Variants in DEPDC5 observed in about 807,000 individuals in gnomAD.
DEPDC5 encodes DEP domain containing 5, GATOR1 subcomplex subunit, also known as GATOR1 complex protein DEPDC5.
DEPDC5 carries 73 observed loss-of-function variants against 217.3 expected under a neutral mutation model. The ratio of observed to expected loss-of-function variants is 0.34; its 90% CI spans 0.28 to 0.41. The LOEUF is 0.41. Ranked by LOEUF, DEPDC5 falls within the 10% of genes least tolerant of loss-of-function variation. DEPDC5 has a pLI of 1.00. For missense variants in DEPDC5, 1,675 were observed against 2,070.1 expected (o/e 0.81, Z 3.70); for synonymous variants, 733 against 756.7 (o/e 0.97, Z 0.51).
intron 27 of DEPDC5, among the ~76,000 whole-genome samples, chr22:31,841,302 G>C (rs1346919718): frequency 6.6e-6 from 1 of 152,224 alleles, no homozygotes; most frequent in Non-Finnish European, 1.5e-5. Flanking sequence ...AGCCTCTGCT[G>C]TCCTCCTCTC....
Position 31,778,109 on chromosome 22 carries a change from G to A in DEPDC5, c.424G>A (p.Gly142Ser), listed in dbSNP as rs1279099190. 2.5e-6 allele frequency: 4 copies of A among 1,614,144 alleles called. No individual in the cohort carries two copies. Among genetic ancestry groups the A allele is most frequent in the Non-Finnish European group, 3.4e-6 (4 of 1,179,994 alleles). ...VEFAGIRAQAGELWVKNEKVM... is the reference protein window; with the variant it reads ...VEFAGIRAQASELWVKNEKVM... Reference sequence around the variant, plus strand: ...TGTGTATTCTTTCAGAGCACAGGCTGGTGAACTGTGGGTTAAGAATGAGAA... The same window carrying A: ...TGTGTATTCTTTCAGAGCACAGGCTAGTGAACTGTGGGTTAAGAATGAGAA... The change falls in exon 8 of 43, where the codon GGT (glycine) becomes AGT (serine). Residue 142 changes from glycine (G) to serine (S), a missense_variant. Gly to Ser is a moderately conservative substitution (Grantham distance 56). This residue lies in a region of DEPDC5 where 628 missense variants were observed against 762.1 expected (regional missense o/e 0.82). Transcript: ENST00000651528.
intron 34 of DEPDC5, among the ~76,000 whole-genome samples, chr22:31,871,287 C>T (rs571874070): frequency 1.3e-5 from 2 of 152,322 alleles, no homozygotes; most frequent in East Asian, 3.9e-4. Context: ...AGTAATTATG[C>T]CGCAGTCTTT....
chr22:31,780,800 C>T (rs2084353351), intron 8 of DEPDC5, among the ~76,000 whole-genome samples: 1 of 152,206 alleles, frequency 6.6e-6, no homozygotes, highest in Admixed American at 6.5e-5. Context: ...CTGTGTGCGC[C>T]CTCAGAGCAA....
In DEPDC5 at chr22:31,864,170, G is replaced by A. The variant is rs1016655304; in HGVS notation, c.3330+2737G>A. On this transcript the variant is annotated intron_variant, in intron 33 of 42. Coordinates refer to ENST00000651528, the MANE Select transcript of DEPDC5 (RefSeq NM_001242896.3). ...GTTGCCCAGGCTGGAGTACAATGGC[G>A]CAGTCTCTGCTCACTGCAACCTCTG... Among the ~76,000 whole-genome samples, 11 of 150,120 alleles carry A rather than the reference G, an allele frequency of 7.3e-5. No homozygotes were observed. The South Asian group carries it at 1.0e-3, about 14-fold the overall frequency.
chr22:31,881,099 T>G (rs574770764), intron 38 of DEPDC5, among the ~76,000 whole-genome samples: 4 of 150,540 alleles, frequency 2.7e-5, no homozygotes, highest in African/African-American at 9.8e-5. Flanking sequence ...TCACCTGAGG[T>G]CAAGAGTTTG....
At chr22:31,856,182 C>CACAT (rs2092290864) in intron 31 of DEPDC5, among the ~76,000 whole-genome samples, 1 of 151,080 alleles carries the variant, frequency 6.6e-6, no homozygotes, top group Admixed American at 6.6e-5. Flanking sequence ...CACACACACA[C>CACAT]ACACACACTT....
At chr22:31,877,256 T>C (rs1248442118) in intron 37 of DEPDC5, among the ~76,000 whole-genome samples, 1 of 149,312 alleles carries the variant, frequency 6.7e-6, no homozygotes, top group Non-Finnish European at 1.5e-5. Context: ...GGCAACACGA[T>C]GAAACCCCAC....
chr22:31,825,851 C>T (rs1234365110), intron 24 of DEPDC5, among the ~76,000 whole-genome samples: 1 of 152,134 alleles, frequency 6.6e-6, no homozygotes, highest in Non-Finnish European at 1.5e-5. Context: ...TCTTCACCTG[C>T]CTCCTCTTCC....
chr22:31,758,911 T>C (rs1333154968), intron 3 of DEPDC5, among the ~76,000 whole-genome samples: 1 of 151,996 alleles, frequency 6.6e-6, no homozygotes, highest in Non-Finnish European at 1.5e-5. Context: ...TCCTTCGTTT[T>C]TTTTTTTTTG....
intron 41 of DEPDC5, among the ~76,000 whole-genome samples, chr22:31,903,720 C>A (rs2093706539): frequency 9.3e-6 from 1 of 107,896 alleles, no homozygotes; most frequent in East Asian, 2.7e-4. Flanking sequence ...CCACACCTAA[C>A]CTCTCCCACC....
intron 10 of DEPDC5, among the ~76,000 whole-genome samples, chr22:31,786,088 C>T (rs971862098): frequency 1.3e-5 from 2 of 151,942 alleles, no homozygotes; most frequent in African/African-American, 4.8e-5. Context: ...GAAACCCTGT[C>T]TCTACTAAAA....
intron 13 of DEPDC5, 38 bp from the exon 14 acceptor site, chr22:31,798,544 A>G (rs192192859): frequency 1.1e-5 from 18 of 1,568,990 alleles, no homozygotes; most frequent in African/African-American, 1.1e-4. Flanking sequence ...TTCATGTTTC[A>G]TGAGATGTTT....
chr22:31,778,225 C>T (rs2148330263), intron 8 of DEPDC5, 57 bp downstream of exon 8: 2 of 1,547,066 alleles, frequency 1.3e-6, no homozygotes, highest in Non-Finnish European at 8.9e-7. Flanking sequence ...ATGGCTAAGT[C>T]CTAAAATCAA....
intron 7 of DEPDC5, among the ~76,000 whole-genome samples, chr22:31,770,200 A>G (rs1484202449): frequency 1.3e-5 from 2 of 151,712 alleles, no homozygotes; most frequent in Non-Finnish European, 2.9e-5. Flanking sequence ...ATGCCACTGC[A>G]CTGCAGCCTG....
rs377723608 is a variant in DEPDC5, at chr22:31,846,994, G to A, written c.3155+27G>A. ...TAAGTGCTTGGTGGAAGACTGACTT[G>A]TCCCCACCTTGACAGCCCTGAGGGT... On this transcript the variant is annotated intron_variant, in intron 31 of 42. Transcript: ENST00000651528. The A allele has an allele frequency of 5.7e-5, 92 of 1,614,032 alleles. No homozygotes were observed. In the Middle Eastern group the frequency reaches 8.2e-4, roughly 14 times the overall value.
chr22:31,796,933 T>C (rs752760442), intron 12 of DEPDC5, among the ~76,000 whole-genome samples: 1 of 151,836 alleles, frequency 6.6e-6, no homozygotes, highest in South Asian at 2.1e-4. Flanking sequence ...CTGACCACCT[T>C]ATCCACCTGC....
At chr22:31,783,589 G>C (rs1264529004) in intron 8 of DEPDC5, among the ~76,000 whole-genome samples, 2 of 152,210 alleles carry the variant, frequency 1.3e-5, no homozygotes, top group Admixed American at 1.3e-4. Context: ...TCATCCTGGA[G>C]CCTGGGAGTT....
At chr22:31,879,051 T>C (rs868344336) in intron 37 of DEPDC5, among the ~76,000 whole-genome samples, 6 of 119,536 alleles carry the variant, frequency 5.0e-5, no homozygotes, top group African/African-American at 2.1e-4. Flanking sequence ...AAAATATATA[T>C]ATATATATAT....
intron 27 of DEPDC5, 100 bp downstream of exon 27, chr22:31,838,945 G>A (rs1047439378): frequency 8.5e-6 from 11 of 1,286,760 alleles, no homozygotes; most frequent in South Asian, 3.4e-5. Flanking sequence ...AGTAGTAATC[G>A]TTTTCGACAT....
Sources: allele counts gnomAD v4.1 joint callset (sites outside exome capture counted in the v4.1 genomes callset), GRCh38; gene constraint gnomAD v4.1.1; regional missense constraint gnomAD v4.1.1; transcripts MANE v1.5; gene names NCBI Gene and HGNC (gene_info 2026-07-23, HGNC 2026-07-21).